The following SLC1A6 variants were observed in gnomAD, a reference collection of about 807,000 sequenced individuals.
The protein encoded by SLC1A6 is excitatory amino acid transporter 4.
A neutral mutation model predicts 42.1 loss-of-function variants in SLC1A6; 15 were observed. The ratio of observed to expected loss-of-function variants is 0.36; its 90% CI spans 0.24 to 0.55. SLC1A6 has a LOEUF of 0.55. Among genes scored for constraint, SLC1A6 ranks in the 20% least tolerant of loss-of-function variants. The pLI is 0.88. For synonymous variants in SLC1A6, 317 were observed against 319.7 expected (o/e 0.99, Z 0.09); for missense variants, 542 against 772.5 (o/e 0.70, Z 3.54).
intron 1 of SLC1A6, among the ~76,000 whole-genome samples, chr19:14,990,790 A>AC (rs1555709875): frequency 0.41 from 44,120 of 107,184 alleles, 7,116 homozygotes; most frequent in African/African-American, 0.54. Context: ...ACAAAACAAA[A>AC]AAAAAAAAAA....
At chr19:14,956,881 C>T (rs539513708) in intron 6 of SLC1A6, among the ~76,000 whole-genome samples, 172 bp from the exon 7 acceptor site, 1 of 152,224 alleles carries the variant, frequency 6.6e-6, no homozygotes, top group Admixed American at 6.5e-5. Context: ...TGCCACCGGG[C>T]CCCATGAATG....
At chr19:15,000,444 C>T (rs2045867251) in intron 1 of SLC1A6, among the ~76,000 whole-genome samples, 1 of 152,202 alleles carries the variant, frequency 6.6e-6, no homozygotes, top group Non-Finnish European at 1.5e-5. Context: ...TTACCTTCCA[C>T]ATATAAGTGA....
chr19:14,968,802 C>T (rs1488690801), intron 3 of SLC1A6, among the ~76,000 whole-genome samples: 2 of 152,042 alleles, frequency 1.3e-5, no homozygotes, highest in Non-Finnish European at 1.5e-5. Flanking sequence ...ACTTTCACCC[C>T]ATCCTCTATT....
chr19:14,960,901 A>G (rs918884166), intron 6 of SLC1A6, among the ~76,000 whole-genome samples: 10 of 151,094 alleles, frequency 6.6e-5, no homozygotes, highest in African/African-American at 2.4e-4. Context: ...TGCAAATCAC[A>G]AAGAGAGTAG....
intron 5 of SLC1A6, among the ~76,000 whole-genome samples, chr19:14,963,356 G>C (rs144082907): frequency 1.1e-4 from 17 of 152,270 alleles, no homozygotes; most frequent in African/African-American, 4.1e-4. Context: ...AGCTAGACAA[G>C]AGCAATAAGT....
In SLC1A6 at chr19:14,979,050, TCACACACACACACA is replaced by T. The variant is rs56317513; in HGVS notation, c.-8+245_-8+258del. Among the ~76,000 whole-genome samples, 2,152 of 131,340 alleles carry T rather than the reference TCACACACACACACA, an allele frequency of 0.016. 46 individuals are homozygous for T. The highest frequency in any genetic ancestry group is 0.05 in the African/African-American group (1,767 of 35,228). The allele number at this position is 131,340 out of a possible 152,430, so 86.2% of individuals were successfully genotyped here. A position where few individuals can be genotyped will look rare whatever the true frequency, so the allele number is the denominator to read the frequency against. Reference sequence around the variant, plus strand: ...CAAATTCAGTCTCTCTCTCTCTCTGTCACACACACACACACACACACACACACACACACACACAC... The same window carrying T: ...CAAATTCAGTCTCTCTCTCTCTCTGTCACACACACACACACACACACACAC... On this transcript the variant is annotated intron_variant, in intron 1 of 9. Transcript: ENST00000594383. This position sits in a 1 kb window ranked among gnomAD's most constrained non-coding sequence, Gnocchi z 4.2.
chr19:15,004,945 C>T (rs16980187), intron 1 of SLC1A6, among the ~76,000 whole-genome samples: 43,154 of 151,974 alleles, frequency 0.28, 6,170 homozygotes, highest in South Asian at 0.34. Context: ...AGAGCTAATC[C>T]CAGCCCAGCA....
intron 1 of SLC1A6, chr19:15,010,474 T>C (rs1257990483): frequency 5.8e-6 from 3 of 517,428 alleles, no homozygotes; most frequent in Non-Finnish European, 1.1e-5. Flanking sequence ...TGGCCCTTCT[T>C]CCATGCTTAC....
chr19:14,955,384 A>G (rs997156451), intron 7 of SLC1A6, among the ~76,000 whole-genome samples: 1 of 152,088 alleles, frequency 6.6e-6, no homozygotes, highest in Non-Finnish European at 1.5e-5. Flanking sequence ...GTTCAAGACA[A>G]GCCATAGCCA....
At chr19:14,989,356 G>T (rs985941144) in intron 1 of SLC1A6, among the ~76,000 whole-genome samples, 1 of 151,986 alleles carries the variant, frequency 6.6e-6, no homozygotes, top group East Asian at 2.0e-4. Context: ...CCACCTCCTG[G>T]GTTCAAGCAA....
intron 4 of SLC1A6, 32 bp downstream of exon 4, chr19:14,968,271 T>A (rs1164526353): frequency 6.7e-7 from 1 of 1,497,336 alleles, no homozygotes. Context: ...CTTTTTCAAA[T>A]GTGTATATTG....
intron 1 of SLC1A6, among the ~76,000 whole-genome samples, chr19:14,987,582 G>A (rs113449181): frequency 0.022 from 3,280 of 152,206 alleles, 133 homozygotes; most frequent in African/African-American, 0.074. Context: ...GTCCGAGTGC[G>A]CAGGTGATAT....
chr19:14,990,838 ACT>A (rs1248197748), intron 1 of SLC1A6, among the ~76,000 whole-genome samples: 1 of 152,046 alleles, frequency 6.6e-6, no homozygotes, highest in Non-Finnish European at 1.5e-5. Context: ...CAACATGGTG[ACT>A]CTAGTTAATA....
chr19:14,964,296 C>A, intron 5 of SLC1A6, 23 bp downstream of exon 5: 1 of 1,609,996 alleles, frequency 6.2e-7, no homozygotes, highest in South Asian at 1.1e-5. Flanking sequence ...TCTCCTTGAT[C>A]AAACTGTGTA....
intron 1 of SLC1A6, among the ~76,000 whole-genome samples, chr19:14,995,350 AAAG>A (rs2045840562): frequency 2.6e-5 from 3 of 116,880 alleles, no homozygotes; most frequent in African/African-American, 3.1e-5. Context: ...AAAAAGAAAG[AAAG>A]AAAGAAAGAA....
chr19:14,950,136 C>G lies in SLC1A6; in HGVS notation c.*59G>C, dbSNP rs1172371960. ...GTCAGTTGGGCAACAGATGTGTCAC[C>G]AGGACTCCCCTCCCCAGCCCCCTTC... On this transcript the variant is annotated 3_prime_UTR_variant, in exon 10 of 10. Transcript: ENST00000594383. 2 of 1,301,442 alleles carry G rather than the reference C, an allele frequency of 1.5e-6. No homozygotes were observed. The highest frequency in any genetic ancestry group is 2.0e-6 in the Non-Finnish European group (2 of 976,806). 80.6% of individuals were successfully genotyped at this position (1,301,442 alleles called of 1,614,324 possible).
At position 14,968,448 on chromosome 19, in the gene SLC1A6, A is replaced by G. The variant is rs1446833011; in HGVS notation, c.403T>C (p.Tyr135His). ...GRMGMRAAVY[Y>H]MVTTIIAVFI... ...ACCGCGATGATGGTGGTCACCATGT[A>G]GTACACAGCTGCCCGCATCCCCATC... is the stretch of plus-strand genomic sequence containing the variant. The change falls in exon 4 of 10, where the codon TAC becomes CAC. Residue 135 changes from tyrosine to histidine, a missense_variant. Tyr to His is a moderately conservative substitution (Grantham distance 83, BLOSUM62 2). Coordinates refer to ENST00000594383, the MANE Select transcript of SLC1A6 (RefSeq NM_005071.3). 1.2e-6 allele frequency: 2 copies of G among 1,613,670 alleles called. No homozygotes were observed. Among genetic ancestry groups the G allele is most frequent in the Non-Finnish European group, 1.7e-6 (2 of 1,179,876 alleles).
At chr19:14,988,463 T>C (rs1385980995) in intron 1 of SLC1A6, among the ~76,000 whole-genome samples, 4 of 151,988 alleles carry the variant, frequency 2.6e-5, no homozygotes, top group Non-Finnish European at 5.9e-5. Flanking sequence ...AATTAGAAAA[T>C]GGGCAAAGGA....
intron 6 of SLC1A6, among the ~76,000 whole-genome samples, chr19:14,958,461 G>T (rs1056336567): frequency 2.0e-5 from 3 of 152,044 alleles, no homozygotes; most frequent in Admixed American, 2.0e-4. Flanking sequence ...CATCGTGGAT[G>T]TGTTGGAGGA....
Sources: gnomAD v4.1 joint callset for allele counts (sites outside exome capture counted in the v4.1 genomes callset) on GRCh38, gnomAD v4.1.1 for gene constraint, Gnocchi (gnomAD v3.1) non-coding constraint, MANE v1.5 for transcripts, NCBI Gene and HGNC (gene_info 2026-07-23, HGNC 2026-07-21) for gene names.